NRG3: variants seen among roughly 807,000 people sequenced by gnomAD.
The protein encoded by NRG3 is neuregulin 3.
Under a neutral mutation model 66.9 loss-of-function variants are expected in NRG3, and 31 were observed. That is an observed-to-expected ratio of 0.46 (90% CI 0.35 to 0.63). The LOEUF is 0.63. NRG3 is among the 20% of genes least tolerant of loss of function. The pLI, the probability that NRG3 is intolerant of heterozygous loss-of-function variation, is 0.00. For missense variants in NRG3, 910 were observed against 878.9 expected (o/e 1.04, Z -0.45); for synonymous variants, 393 against 359.4 (o/e 1.09, Z -1.06).
chr10:82,573,387 CT>C (rs1265924641), intron 2 of NRG3, among the ~76,000 whole-genome samples: 2 of 151,756 alleles, frequency 1.3e-5, no homozygotes, highest in Admixed American at 1.3e-4. Context: ...TTCTCAAAGC[CT>C]TTTTCTTATA....
chr10:82,320,990 A>G (rs2081540308), intron 1 of NRG3, among the ~76,000 whole-genome samples: 1 of 152,188 alleles, frequency 6.6e-6, no homozygotes. Context: ...CCCCGCATTT[A>G]CCATCCTTCA....
At chr10:82,781,847 T>A (rs748643547) in intron 3 of NRG3, among the ~76,000 whole-genome samples, 6 of 151,918 alleles carry the variant, frequency 3.9e-5, no homozygotes, top group South Asian at 4.2e-4. Flanking sequence ...AAAATTCAGT[T>A]CCTGTTATTT....
At chr10:82,134,789 A>G (rs2069202956) in intron 1 of NRG3, among the ~76,000 whole-genome samples, 1 of 151,970 alleles carries the variant, frequency 6.6e-6, no homozygotes, top group Non-Finnish European at 1.5e-5. Context: ...TAAAATTTAA[A>G]TTTAAATTTA....
chr10:82,195,844 C>A (rs915921928), intron 1 of NRG3, among the ~76,000 whole-genome samples: 3 of 152,120 alleles, frequency 2.0e-5, no homozygotes, highest in Non-Finnish European at 4.4e-5. Context: ...ACTCGACTGG[C>A]CATTTCTGGC....
At chr10:82,096,289 A>G (rs2066338994) in intron 1 of NRG3, among the ~76,000 whole-genome samples, 1 of 152,130 alleles carries the variant, frequency 6.6e-6, no homozygotes, top group Admixed American at 6.5e-5. Flanking sequence ...ATCTGCGCCA[A>G]CATGGTGAAA....
chr10:82,917,610 C>T (rs995168874), intron 4 of NRG3, among the ~76,000 whole-genome samples: 2 of 152,122 alleles, frequency 1.3e-5, no homozygotes, highest in African/African-American at 2.4e-5. Flanking sequence ...TCTGATAGTT[C>T]AGTAACTTCA....
intron 2 of NRG3, among the ~76,000 whole-genome samples, chr10:82,647,453 T>C (rs2051034621): frequency 6.6e-6 from 1 of 152,290 alleles, no homozygotes; most frequent in South Asian, 2.1e-4. Context: ...TGAATAGAGC[T>C]GCAATAAACA....
chr10:82,590,288 GT>G (rs968128356), intron 2 of NRG3, among the ~76,000 whole-genome samples: 1 of 152,138 alleles, frequency 6.6e-6, no homozygotes. Context: ...GAATAGGCAT[GT>G]TTGTACAGAG....
At chr10:82,044,814 G>A in intron 1 of NRG3, among the ~76,000 whole-genome samples, 1 of 152,064 alleles carries the variant, frequency 6.6e-6, no homozygotes, top group Non-Finnish European at 1.5e-5. Flanking sequence ...AGAACATGAA[G>A]TGTTTGGTTT....
At chr10:82,835,608 C>T (rs2062733858) in intron 3 of NRG3, among the ~76,000 whole-genome samples, 1 of 152,210 alleles carries the variant, frequency 6.6e-6, no homozygotes, top group East Asian at 1.9e-4. Flanking sequence ...TTTTACAAAG[C>T]CAATGGTTGG....
intron 1 of NRG3, among the ~76,000 whole-genome samples, chr10:82,324,721 A>G (rs746593533): frequency 3.0e-4 from 45 of 152,230 alleles, no homozygotes; most frequent in Non-Finnish European, 5.7e-4. Context: ...CATTTCCCTG[A>G]TATCATTTAC....
At chr10:81,902,736 G>GT (rs1170462091) in intron 1 of NRG3, among the ~76,000 whole-genome samples, 3 of 152,178 alleles carry the variant, frequency 2.0e-5, no homozygotes, top group Non-Finnish European at 4.4e-5. Flanking sequence ...AGGATACGTG[G>GT]TTTACACACA....
At chr10:82,080,177 A>T (rs1318993030) in intron 1 of NRG3, among the ~76,000 whole-genome samples, 1 of 152,014 alleles carries the variant, frequency 6.6e-6, no homozygotes, top group Non-Finnish European at 1.5e-5. Flanking sequence ...TCCTGCTCAC[A>T]CACACTTGAC....
intron 4 of NRG3, among the ~76,000 whole-genome samples, chr10:82,903,136 A>G (rs1844394702): frequency 6.6e-6 from 1 of 152,202 alleles, no homozygotes; most frequent in Non-Finnish European, 1.5e-5. Flanking sequence ...CAAGAGACAC[A>G]TAAACAAATG....
intron 1 of NRG3, among the ~76,000 whole-genome samples, chr10:82,216,428 A>G (rs1254695252): frequency 6.6e-6 from 1 of 151,738 alleles, no homozygotes; most frequent in Non-Finnish European, 1.5e-5. Flanking sequence ...TACAGACAAG[A>G]TAGTAGAAAT....
At chr10:81,942,854 G>A (rs56076951) in intron 1 of NRG3, among the ~76,000 whole-genome samples, 1,555 of 152,210 alleles carry the variant, frequency 0.01, 26 homozygotes, top group African/African-American at 0.036. Context: ...AAATATAAAT[G>A]TACAAGTGAT....
chr10:82,336,124 TCTACATGAA>T (rs1167483424), intron 1 of NRG3, among the ~76,000 whole-genome samples: 3 of 152,132 alleles, frequency 2.0e-5, no homozygotes, highest in African/African-American at 7.2e-5. Context: ...TGAACACTTC[TCTACATGAA>T]CTAAATCTGA....
intron 1 of NRG3, among the ~76,000 whole-genome samples, chr10:82,045,819 T>A (rs1250657429): frequency 9.6e-6 from 1 of 104,076 alleles, no homozygotes; most frequent in African/African-American, 3.6e-5. Context: ...ATTTATTAAA[T>A]AGGGAATCCT....
chr10:82,648,151 G>A (rs1046267859), intron 2 of NRG3, among the ~76,000 whole-genome samples: 4 of 152,072 alleles, frequency 2.6e-5, no homozygotes, highest in East Asian at 1.9e-4. Context: ...TAACGTTTAA[G>A]TCTTTAATCC....
Sources: gnomAD v4.1 joint callset for allele counts (sites outside exome capture counted in the v4.1 genomes callset) on GRCh38, gnomAD v4.1.1 for gene constraint, MANE v1.5 for transcripts, NCBI Gene and HGNC (gene_info 2026-07-23, HGNC 2026-07-21) for gene names.